Variants in ZPLD1 observed in about 807,000 individuals in gnomAD.
ZPLD1 encodes zona pellucida-like domain-containing protein 1.
Under a neutral mutation model 47.2 loss-of-function variants are expected in ZPLD1, and 34 were observed. The observed-to-expected ratio is 0.72, with a 90% CI of 0.55 to 0.96. ZPLD1 has a LOEUF of 0.96. ZPLD1 is among the 40% of genes least tolerant of loss of function. The pLI is 0.00. For synonymous variants in ZPLD1, 176 were observed against 186.2 expected, an observed-to-expected ratio of 0.95 and a Z score of 0.45; for missense variants, 512 against 505.8, an observed-to-expected ratio of 1.01 and a Z score of -0.12.
At chr3:102,385,387 T>C (rs1706414230) in intron 6 of ZPLD1, 2 of 152,210 alleles carry the variant, frequency 1.3e-5, no homozygotes, top group South Asian at 4.1e-4. Context: ...AAGAAAGGTG[T>C]AATGTTTTAA....
upstream of ZPLD1, among the ~76,000 whole-genome samples, chr3:102,433,204 A>G (rs1181013981): frequency 2.6e-5 from 4 of 152,226 alleles, no homozygotes; most frequent in Non-Finnish European, 4.4e-5. Flanking sequence ...GATCAAATTT[A>G]CCAAGAAATT....
At chr3:102,477,298 C>A in intron 11 of ZPLD1, 145 bp from the exon 12 acceptor site, 1 of 1,014,094 alleles carries the variant, frequency 9.9e-7, no homozygotes, top group Non-Finnish European at 1.5e-6. Flanking sequence ...GGTTGAATTA[C>A]AGTCAAATAG....
intron 7 of ZPLD1, among the ~76,000 whole-genome samples, chr3:102,407,392 A>AATATATATATATATATAT (rs63183460): frequency 1.1e-4 from 4 of 37,870 alleles, no homozygotes; most frequent in Admixed American, 9.5e-4. Flanking sequence ...TTGATTTTCA[A>AATATATATATATATATAT]ATATATATAT....
intron 8 of ZPLD1, among the ~76,000 whole-genome samples, chr3:102,429,560 A>C (rs1486588781): frequency 2.0e-5 from 3 of 152,124 alleles, no homozygotes; most frequent in African/African-American, 7.2e-5. Flanking sequence ...AAGTTATATA[A>C]TATATTTTTT....
intron 8 of ZPLD1, among the ~76,000 whole-genome samples, chr3:102,420,553 A>G (rs1306041444): frequency 6.6e-6 from 1 of 151,948 alleles, no homozygotes; most frequent in Non-Finnish European, 1.5e-5. Context: ...TAGATACTAT[A>G]CTTTGAATTT....
At chr3:102,459,990 A>T (rs1013810489) in intron 6 of ZPLD1, among the ~76,000 whole-genome samples, 2 of 152,178 alleles carry the variant, frequency 1.3e-5, no homozygotes, top group Non-Finnish European at 2.9e-5. Flanking sequence ...CAAACTAAAA[A>T]TTTTTTAACA....
At chr3:102,422,264 G>A (rs1024119754) in intron 8 of ZPLD1, among the ~76,000 whole-genome samples, 2 of 152,014 alleles carry the variant, frequency 1.3e-5, no homozygotes, top group Non-Finnish European at 2.9e-5. Flanking sequence ...GAACAAAGTT[G>A]TATCTCCAAA....
intron 7 of ZPLD1, among the ~76,000 whole-genome samples, chr3:102,463,156 A>G (rs1034858624): frequency 3.3e-5 from 5 of 152,106 alleles, no homozygotes; most frequent in African/African-American, 9.7e-5. Flanking sequence ...TTTTTATAAC[A>G]TCGGAGTTGG....
intron 7 of ZPLD1, among the ~76,000 whole-genome samples, chr3:102,393,105 A>T (rs2107285805): frequency 6.6e-6 from 1 of 152,224 alleles, no homozygotes. Context: ...TTCATATGTA[A>T]TGTATGTTGT....
intron 7 of ZPLD1, among the ~76,000 whole-genome samples, chr3:102,415,928 T>C (rs972792889): frequency 6.6e-6 from 1 of 151,902 alleles, no homozygotes; most frequent in African/African-American, 2.4e-5. Context: ...TCTCTGATTA[T>C]GAAACATTAA....
rs552114853 is a variant in ZPLD1 at position 102,459,641 on chromosome 3, T to G, written c.582+1788T>G. Among the ~76,000 whole-genome samples the G allele has an allele frequency of 1.4e-4, 22 of 152,302 alleles. No homozygotes were observed. In the South Asian group the frequency reaches 4.6e-3, roughly 32 times the overall value. On this transcript the variant is annotated intron_variant, in intron 6 of 11. Transcript: ENST00000466937. ...TTATACGATAACCAATTTTTTGATA[T>G]TAGACTACAAGTGAAATAGATGGTG...
intron 4 of ZPLD1, among the ~76,000 whole-genome samples, chr3:102,454,706 A>G (rs1285490704): frequency 6.6e-6 from 1 of 152,134 alleles, no homozygotes; most frequent in African/African-American, 2.4e-5. Context: ...AAATACAAAA[A>G]TTAGCTGGGC....
intron 5 of ZPLD1, 43 bp downstream of exon 5, chr3:102,456,417 G>C (rs1239793412): frequency 6.4e-7 from 1 of 1,567,088 alleles, no homozygotes; most frequent in African/African-American, 1.4e-5. Flanking sequence ...TTGCATTTTT[G>C]CTTCAGGCAT....
chr3:102,403,576 T>G (rs1014972416), intron 7 of ZPLD1, among the ~76,000 whole-genome samples: 4 of 151,988 alleles, frequency 2.6e-5, no homozygotes, highest in Non-Finnish European at 5.9e-5. Context: ...AAATATTAAT[T>G]TTTCCTTTTG....
intron 8 of ZPLD1, among the ~76,000 whole-genome samples, chr3:102,420,780 A>G (rs767965224): frequency 3.0e-4 from 46 of 151,936 alleles, no homozygotes; most frequent in Non-Finnish European, 1.5e-4. Context: ...ATATATTTAA[A>G]AAACAAATTT....
chr3:102,441,669 C>T (rs1707179472), intron 3 of ZPLD1, among the ~76,000 whole-genome samples: 1 of 152,076 alleles, frequency 6.6e-6, no homozygotes, highest in Non-Finnish European at 1.5e-5. Flanking sequence ...ATTCACATCA[C>T]AGGTAATCAG....
At chr3:102,469,773 A>T (rs527638083) in intron 9 of ZPLD1, among the ~76,000 whole-genome samples, 1 of 152,342 alleles carries the variant, frequency 6.6e-6, no homozygotes, top group East Asian at 1.9e-4. Context: ...GTTAAAAGCA[A>T]TGAAAGGTGT....
In ZPLD1 at chr3:102,456,281, C is replaced by T; in HGVS notation, c.416C>T (p.Pro139Leu). 6.2e-7 allele frequency: 1 copy of T among 1,613,878 alleles called. No individual in the cohort carries two copies. The highest frequency in any genetic ancestry group is 8.5e-7 in the Non-Finnish European group (1 of 1,179,852). Residue 139 changes from proline to leucine, a missense_variant, in exon 5 of 12, where the codon CCA becomes CTA. Physicochemically the swap from Pro to Leu is moderately conservative, Grantham distance 98. Transcript: ENST00000466937. ...TCAGGATATATTGATACTCCAGACC[C>T]ACCAACAATCATCAGCTATCTACCT... ...NISGYIDTPD[P>L]PTIISYLPGL...
chr3:102,389,882 G>A (rs982724768), intron 6 of ZPLD1, among the ~76,000 whole-genome samples: 1 of 152,290 alleles, frequency 6.6e-6, no homozygotes, highest in Non-Finnish European at 1.5e-5. Context: ...ATGGTTTTCT[G>A]ATGCTGATTG....
Sources: allele counts gnomAD v4.1 joint callset (sites outside exome capture counted in the v4.1 genomes callset), GRCh38; gene constraint gnomAD v4.1.1; transcripts MANE v1.5; gene names NCBI Gene and HGNC (gene_info 2026-07-23, HGNC 2026-07-21).